CEP131: variants seen among roughly 807,000 people sequenced by gnomAD.
CEP131 encodes the protein centrosomal protein 131.
A neutral mutation model predicts 136.8 loss-of-function variants in CEP131; 99 were observed. The observed-to-expected ratio is 0.72, with a 90% CI of 0.62 to 0.86. The LOEUF (loss-of-function observed/expected upper bound fraction) is 0.86, where lower values mean the gene tolerates loss of function less well. Among genes scored for constraint, CEP131 ranks in the 40% least tolerant of loss-of-function variants. The probability of loss-of-function intolerance (pLI) is 0.00; values close to 1 mark genes in which losing one functional copy is unlikely to be tolerated. For synonymous variants in CEP131, 646 were observed against 612.7 expected (o/e 1.05, Z -0.80); for missense variants, 1,459 against 1,463.0 (o/e 1.00, Z 0.04).
rs1030290022 is a variant in CEP131, at chr17:81,189,673, G to C, written c.*96C>G. On this transcript the variant is annotated 3_prime_UTR_variant, in exon 26 of 26. Coordinates refer to ENST00000450824, the MANE Select transcript of CEP131 (RefSeq NM_014984.4). The stretch of plus-strand genomic sequence containing the variant: ...GTGGGCATCTCAACCACCAGCCTCT[G>C]TGGGGGGCAGGTGGGCGTCCCTGTG... The C allele has an allele frequency of 6.1e-6, 8 of 1,301,854 alleles. No homozygotes were observed. The highest frequency in any genetic ancestry group is 8.4e-6 in the Non-Finnish European group (8 of 952,988). 80.6% of individuals were successfully genotyped at this position (1,301,854 alleles called of 1,614,324 possible).
rs1329352019 is a variant in CEP131 at position 81,203,459 on chromosome 17, C to T, written c.629+35G>A. On this transcript the variant is annotated intron_variant, in intron 6 of 25. Transcript: ENST00000450824. This position sits in a 1 kb window ranked among gnomAD's most constrained non-coding sequence, Gnocchi z 4.6. Reference sequence around the variant, plus strand: ...ACTACATGCCCTAACTGAGGTCGGACCCCGCAGCCCCGCGGCCTCCCCAGA... The same window carrying T: ...ACTACATGCCCTAACTGAGGTCGGATCCCGCAGCCCCGCGGCCTCCCCAGA... 2 of 1,527,368 alleles carry T rather than the reference C, an allele frequency of 1.3e-6. No individual in the cohort carries two copies. The highest frequency in any genetic ancestry group is 1.2e-5 in the South Asian group (1 of 84,420). The allele number at this position is 1,527,368 out of a possible 1,614,324, so 94.6% of individuals were successfully genotyped here. A position where few individuals can be genotyped will look rare whatever the true frequency, so the allele number is the denominator to read the frequency against.
Position 81,203,691 on chromosome 17 carries a change from T to A in CEP131, c.516-84A>T, listed in dbSNP as rs1254944399. ...TCAGAGCTACACTCGCAGCACGGGC[T>A]GGGAGGGAACAAAGGCCTTCAGTGC... On this transcript the variant is annotated intron_variant, in intron 5 of 25. Transcript: ENST00000450824. This position sits in a 1 kb window ranked among gnomAD's most constrained non-coding sequence, Gnocchi z 4.6. The A allele has an allele frequency of 8.9e-7, 1 of 1,126,724 alleles. No individual in the cohort carries two copies. The highest frequency in any genetic ancestry group is 1.3e-6 in the Non-Finnish European group (1 of 783,582). The allele number at this position is 1,126,724 out of a possible 1,614,324, so 69.8% of individuals were successfully genotyped here.
At chr17:81,202,833 G>A (rs1201181176) in intron 6 of CEP131, among the ~76,000 whole-genome samples, 6 of 151,948 alleles carry the variant, frequency 3.9e-5, no homozygotes, top group East Asian at 1.9e-4. Flanking sequence ...GCATGGTGGC[G>A]GGCACCTGTA....
rs1471269628 is a variant in CEP131, at chr17:81,192,545, G to A, written c.2478C>T (p.Ser826=). The change falls in exon 20 of 26, where the codon AGC becomes AGT. Residue 826 remains serine, a synonymous_variant. Transcript: ENST00000450824. ...CCCTCAGGGCTCGGGTCAGTGCAGA[G>A]CTGCTCTCCTCCAGCTGCTGCCTCA... ...EELRQQLEES[S]SALTRALRAE... 5 of 1,610,094 alleles carry A rather than the reference G, an allele frequency of 3.1e-6. No individual in the cohort carries two copies. In the African/African-American group the frequency reaches 5.3e-5, roughly 17 times the overall value.
intron 7 of CEP131, among the ~76,000 whole-genome samples, chr17:81,201,193 C>T (rs928582025): frequency 3.9e-5 from 6 of 152,224 alleles, no homozygotes; most frequent in African/African-American, 1.4e-4. Context: ...CAGTCTGCCC[C>T]GGGCAGAACT....
intron 7 of CEP131, among the ~76,000 whole-genome samples, chr17:81,201,801 G>T (rs1330738053): frequency 6.6e-6 from 1 of 152,100 alleles, no homozygotes; most frequent in African/African-American, 2.4e-5. Flanking sequence ...GGTCTGCTCG[G>T]TCTCAATATT....
At chr17:81,199,921 G>C (rs1347834296) in intron 8 of CEP131, 86 bp from the exon 9 acceptor site, 3 of 1,315,230 alleles carry the variant, frequency 2.3e-6, no homozygotes, top group Admixed American at 1.7e-5. Context: ...CAACGCCCTG[G>C]AGTCCCCTAG....
rs1227477197 is a variant in CEP131 at position 81,207,323 on chromosome 17, C to T, written c.273-84G>A. 2.8e-5 allele frequency: 35 copies of T among 1,241,914 alleles called. No homozygotes were observed. The East Asian group carries it at 2.9e-4, about 10-fold the overall frequency. 76.9% of individuals were successfully genotyped at this position (1,241,914 alleles called of 1,614,324 possible). A position where few individuals can be genotyped will look rare whatever the true frequency, so the allele number is the denominator to read the frequency against. ...AGGCACACAGACCAGGCAGGTCCCGCGAGGACAGAGGGGCTGAGGCACTAG... is the reference window on the plus strand; with the variant it reads ...AGGCACACAGACCAGGCAGGTCCCGTGAGGACAGAGGGGCTGAGGCACTAG... On this transcript the variant is annotated intron_variant, in intron 3 of 25. Transcript: ENST00000450824.
chr17:81,193,055 G>A (rs1489410371), intron 18 of CEP131, among the ~76,000 whole-genome samples: 1 of 152,270 alleles, frequency 6.6e-6, no homozygotes, highest in Non-Finnish European at 1.5e-5. Context: ...GCCAAGCGCA[G>A]CAATTCCCTG....
intron 2 of CEP131, among the ~76,000 whole-genome samples, chr17:81,212,086 G>A (rs1030599357): frequency 6.6e-6 from 1 of 152,000 alleles, no homozygotes; most frequent in Non-Finnish European, 1.5e-5. Flanking sequence ...AGGCCGAGGT[G>A]GGCGGATAAT....
rs766974246 is a variant in CEP131, at chr17:81,206,863, C to T, written c.396G>A (p.Gln132=). The T allele has an allele frequency of 2.5e-6, 4 of 1,613,448 alleles. No homozygotes were observed. In the East Asian group the frequency reaches 8.9e-5, roughly 36 times the overall value. The part of the protein sequence containing the change: ...KGATWNVLDD[Q]PRGFTLPSNA... ...TGGATGGCAAGGTGAAGCCCCGGGGCTGGTCATCCTGTCAGACAGCTCAGC... is the reference window on the plus strand; with the variant it reads ...TGGATGGCAAGGTGAAGCCCCGGGGTTGGTCATCCTGTCAGACAGCTCAGC... The change falls in exon 5 of 26, where the codon CAG becomes CAA. Residue 132 remains glutamine (Q), a synonymous_variant. Coordinates refer to ENST00000450824, the MANE Select transcript of CEP131 (RefSeq NM_014984.4).
chr17:81,190,831 G>A, intron 23 of CEP131, 29 bp from the exon 24 acceptor site: 1 of 1,591,064 alleles, frequency 6.3e-7, no homozygotes, highest in Non-Finnish European at 8.6e-7. Context: ...CAGTGAGCCG[G>A]CTGCCAGCGA....
At chr17:81,192,428 C>T in intron 20 of CEP131, 36 bp from the exon 21 acceptor site, 1 of 1,611,612 alleles carries the variant, frequency 6.2e-7, no homozygotes. Context: ...TCAGTCCCAC[C>T]CCGTGCAGCC....
rs1279302715 is a variant in CEP131 at position 81,215,162 on chromosome 17, T to C, written c.177+4718A>G. Among the ~76,000 whole-genome samples the C allele has an allele frequency of 2.0e-5, 3 of 151,962 alleles. No individual in the cohort carries two copies. Among genetic ancestry groups the C allele is most frequent in the Admixed American group, 6.6e-5 (1 of 15,244 alleles). ...AGGCTGGAGAGCAGTGGCATGATCA[T>C]AGCTCACTGCAGCCTCAAACTTTCT... On this transcript the variant is annotated intron_variant, in intron 2 of 25. Coordinates refer to ENST00000450824, the MANE Select transcript of CEP131 (RefSeq NM_014984.4). This position sits in a 1 kb window ranked among gnomAD's most constrained non-coding sequence, Gnocchi z 4.1.
chr17:81,193,448 G>A (rs77622527), intron 18 of CEP131, among the ~76,000 whole-genome samples: 13,039 of 152,180 alleles, frequency 0.086, 728 homozygotes, highest in African/African-American at 0.16. Context: ...CCTGTGGCCC[G>A]CAGATCCTGA....
chr17:81,208,049 A>C lies in CEP131; in HGVS notation c.273-810T>G, dbSNP rs1038576114. Among the ~76,000 whole-genome samples the C allele has an allele frequency of 1.6e-5, 2 of 121,444 alleles. No individual in the cohort carries two copies. Among genetic ancestry groups the C allele is most frequent in the African/African-American group, 6.2e-5 (2 of 32,516 alleles). 79.7% of individuals were successfully genotyped at this position (121,444 alleles called of 152,430 possible). A position where few individuals can be genotyped will look rare whatever the true frequency, so the allele number is the denominator to read the frequency against. ...CACCCACACACCACACACCCCCCAC[A>C]CACACCACACTCACACCACACACCC... On this transcript the variant is annotated intron_variant, in intron 3 of 25. Transcript: ENST00000450824. The surrounding 1 kb of genome is among the most constrained non-coding windows in gnomAD (Gnocchi z 5.6).
rs773134078 is a variant in CEP131, at chr17:81,191,231, C to A, written c.2727G>T (p.Ala909=). 10 of 1,612,990 alleles carry A rather than the reference C, an allele frequency of 6.2e-6. No individual in the cohort carries two copies. The East Asian group carries it at 2.0e-4, about 32-fold the overall frequency. ...LVIHRLEADM[A]LAKEESEKAA... is the part of the protein sequence containing the mutation. ...CCTTCTCACTCTCCTCCTTGGCCAG[C>A]GCCATGTCGGCCTCCAGCCGGTGAA... is the stretch of plus-strand genomic sequence containing the variant. The change falls in exon 22 of 26, where the codon GCG becomes GCT. Residue 909 remains alanine (A), a synonymous_variant. Coordinates refer to ENST00000450824, the MANE Select transcript of CEP131 (RefSeq NM_014984.4).
intron 2 of CEP131, among the ~76,000 whole-genome samples, chr17:81,217,122 C>A (rs976151300): frequency 5.3e-5 from 8 of 152,128 alleles, no homozygotes; most frequent in Admixed American, 1.3e-4. Context: ...ATTTAAAGAC[C>A]TCTTTTCTTT....
In CEP131 at chr17:81,206,871, C is replaced by T. The variant is rs1428982329; in HGVS notation, c.388G>A (p.Asp130Asn). 6.2e-7 allele frequency: 1 copy of T among 1,613,034 alleles called. No individual in the cohort carries two copies. Among genetic ancestry groups the T allele is most frequent in the Non-Finnish European group, 8.5e-7 (1 of 1,179,772 alleles). ...AAGGTGAAGCCCCGGGGCTGGTCAT[C>T]CTGTCAGACAGCTCAGCCCATGACA... is the stretch of plus-strand genomic sequence containing the variant. ...SEKGATWNVL[D>N]DQPRGFTLPS... is the part of the protein sequence containing the mutation. Residue 130 changes from aspartate (D) to asparagine (N), a missense_variant and splice_region_variant, in exon 5 of 26, where the codon GAT becomes AAT. This residue lies in a region of CEP131 where 187 missense variants were observed against 179.9 expected (regional missense o/e 1.04). Transcript: ENST00000450824.
Sources: gnomAD v4.1 joint callset for allele counts (sites outside exome capture counted in the v4.1 genomes callset) on GRCh38, gnomAD v4.1.1 for gene constraint, gnomAD v4.1.1 regional missense constraint, Gnocchi (gnomAD v3.1) non-coding constraint, MANE v1.5 for transcripts, NCBI Gene and HGNC (gene_info 2026-07-23, HGNC 2026-07-21) for gene names.